Variants in DOCK8 observed in about 807,000 individuals in gnomAD.
DOCK8 encodes the protein dedicator of cytokinesis 8, also known as dedicator of cytokinesis protein 8.
DOCK8 carries 141 observed loss-of-function variants against 245.6 expected under a neutral mutation model. The observed-to-expected ratio is 0.57, with a 90% CI of 0.50 to 0.66. The LOEUF is 0.66. DOCK8 is among the 30% of genes least tolerant of loss of function. The probability of loss-of-function intolerance (pLI) is 0.00; values close to 1 mark genes in which losing one functional copy is unlikely to be tolerated. For missense variants in DOCK8, 2,965 were observed against 2,603.4 expected (o/e 1.14, Z -3.02); for synonymous variants, 1,168 against 970.2 (o/e 1.20, Z -3.79).
Position 371,409 on chromosome 9 carries a change from T to C in DOCK8, c.1869-19T>C. The stretch of plus-strand genomic sequence containing the variant: ...ATTCTTGCTAAAAGTTATTTGTGTA[T>C]AATGTGCTTTTGAAACAGGTCTCCT... On this transcript the variant is annotated intron_variant, in intron 16 of 47. Transcript: ENST00000432829. The C allele has an allele frequency of 6.2e-7, 1 of 1,614,144 alleles. No homozygotes were observed.
At chr9:295,040 G>A (rs68169629) in intron 4 of DOCK8, among the ~76,000 whole-genome samples, 49,975 of 151,816 alleles carry the variant, frequency 0.33, 8,776 homozygotes, top group African/African-American at 0.44. Flanking sequence ...CGTGCCTGTA[G>A]TCCCAGTTAC....
intron 6 of DOCK8, 85 bp from the exon 7 acceptor site, chr9:316,958 G>T: frequency 9.4e-7 from 1 of 1,069,292 alleles, no homozygotes; most frequent in East Asian, 2.4e-5. Flanking sequence ...GCCGTGGAGG[G>T]TAGCCTTCCC....
chr9:335,723 C>G (rs746096376), intron 11 of DOCK8, among the ~76,000 whole-genome samples: 1 of 152,006 alleles, frequency 6.6e-6, no homozygotes, highest in African/African-American at 2.4e-5. Context: ...CAAGGATAAC[C>G]TGACAACAGA....
chr9:326,116 T>G (rs779881368), intron 8 of DOCK8, among the ~76,000 whole-genome samples: 4 of 152,238 alleles, frequency 2.6e-5, no homozygotes, highest in African/African-American at 4.8e-5. Context: ...CTGAAGGGCA[T>G]CTTACATGGT....
At chr9:415,692 G>GCGCACACA (rs1554699024) in intron 29 of DOCK8, among the ~76,000 whole-genome samples, 1 of 150,978 alleles carries the variant, frequency 6.6e-6, no homozygotes, top group African/African-American at 2.4e-5. Flanking sequence ...GTGCGCGCGT[G>GCGCACACA]CACACACACA....
intron 21 of DOCK8, 105 bp from the exon 22 acceptor site, chr9:382,408 T>G: frequency 2.0e-6 from 3 of 1,499,586 alleles, no homozygotes; most frequent in Non-Finnish European, 2.8e-6. Flanking sequence ...CAAGGCCTAA[T>G]CCGGTGGCTT....
chr9:387,811 T>C (rs2054018027), intron 23 of DOCK8, among the ~76,000 whole-genome samples: 2 of 152,260 alleles, frequency 1.3e-5, no homozygotes, highest in African/African-American at 4.8e-5. Flanking sequence ...TTATACCATT[T>C]TCCTTTCTTA....
intron 2 of DOCK8, among the ~76,000 whole-genome samples, chr9:279,669 CA>C (rs533444555): frequency 1.3e-3 from 192 of 152,212 alleles, no homozygotes; most frequent in Middle Eastern, 3.4e-3. Flanking sequence ...CAGGACTGAG[CA>C]AAAACCATTG....
rs967778535 is a variant in DOCK8 at position 289,696 on chromosome 9, A to G, written c.404+115A>G. ...GGTTTACAGAAAAATTGCATGGCAAATAGAGTTCTCATGTATGCCTTCCTT... is the reference window on the plus strand; with the variant it reads ...GGTTTACAGAAAAATTGCATGGCAAGTAGAGTTCTCATGTATGCCTTCCTT... On this transcript the variant is annotated intron_variant, in intron 4 of 47. Coordinates refer to ENST00000432829, the MANE Select transcript of DOCK8 (RefSeq NM_203447.4). 10 of 908,886 alleles carry G rather than the reference A, an allele frequency of 1.1e-5. No individual in the cohort carries two copies. The African/African-American group carries it at 1.7e-4, about 15-fold the overall frequency. 56.3% of individuals were successfully genotyped at this position (908,886 alleles called of 1,614,324 possible).
At chr9:304,506 C>G (rs1384907579) in intron 4 of DOCK8, 75 bp from the exon 5 acceptor site, 12 of 1,591,082 alleles carry the variant, frequency 7.5e-6, no homozygotes, top group Non-Finnish European at 1.0e-5. Flanking sequence ...TAAGCCATTA[C>G]TTTTATTTTT....
chr9:309,342 T>A (rs1040087397), intron 5 of DOCK8, among the ~76,000 whole-genome samples: 3 of 152,212 alleles, frequency 2.0e-5, no homozygotes, highest in African/African-American at 7.2e-5. Context: ...AAATTTATGA[T>A]CTAGTAGAGT....
intron 28 of DOCK8, among the ~76,000 whole-genome samples, chr9:413,856 G>A (rs2055865811): frequency 6.6e-6 from 1 of 152,206 alleles, no homozygotes; most frequent in African/African-American, 2.4e-5. Flanking sequence ...AAGTTAAACA[G>A]AGGCTGGGCG....
At chr9:251,408 T>C (rs1235513187) in intron 1 of DOCK8, among the ~76,000 whole-genome samples, 1 of 152,214 alleles carries the variant, frequency 6.6e-6, no homozygotes, top group Non-Finnish European at 1.5e-5. Flanking sequence ...ATTAATGATA[T>C]TGGAGCCAGG....
At chr9:370,683 C>T (rs1369134765) in intron 16 of DOCK8, among the ~76,000 whole-genome samples, 1 of 152,206 alleles carries the variant, frequency 6.6e-6, no homozygotes, top group East Asian at 1.9e-4. Flanking sequence ...TTGACACCTG[C>T]CCCACTGTCT....
Position 418,969 on chromosome 9 carries a change from G to A in DOCK8, c.3840+762G>A, listed in dbSNP as rs79881592. ...TGCAGCTTTTCTAGGACCCCAGGGAGCCTAAGGAGGGTTGTTTGGCTCTGT... is the reference window on the plus strand; with the variant it reads ...TGCAGCTTTTCTAGGACCCCAGGGAACCTAAGGAGGGTTGTTTGGCTCTGT... On this transcript the variant is annotated intron_variant, in intron 30 of 47. Coordinates refer to ENST00000432829, the MANE Select transcript of DOCK8 (RefSeq NM_203447.4). Among the ~76,000 whole-genome samples, 433 of 152,300 alleles carry A rather than the reference G, an allele frequency of 2.8e-3. 2 individuals are homozygous for A. Among genetic ancestry groups the A allele is most frequent in the African/African-American group, 1.0e-2 (415 of 41,570 alleles).
chr9:219,748 T>G (rs573621290), intron 1 of DOCK8, among the ~76,000 whole-genome samples: 1 of 152,240 alleles, frequency 6.6e-6, no homozygotes, highest in East Asian at 1.9e-4. Flanking sequence ...AATACAAAAA[T>G]TAGCCAGCTG....
chr9:452,039 TG>T lies in DOCK8; in HGVS notation c.5992del (p.Ala1998LeufsTer16). The T allele has an allele frequency of 3.1e-6, 5 of 1,605,234 alleles. No individual in the cohort carries two copies. The highest frequency in any genetic ancestry group is 4.3e-6 in the Non-Finnish European group (5 of 1,175,856). ...QGPLEVAQVFLAEIPADPKLY... is the reference protein window; with the variant it reads ...QGPLEVAQVFXAEIPADPKLY... ...CCACTGGAAGTAGCCCAAGTGTTTT[TG>T]GCTGAAATTCCTGCTGATCCAAAAC... On this transcript the variant is annotated frameshift_variant, in exon 46 of 48. Transcript: ENST00000432829. LOFTEE classifies it high-confidence loss of function.
chr9:246,151 G>A (rs1299329716), intron 1 of DOCK8, among the ~76,000 whole-genome samples: 1 of 152,016 alleles, frequency 6.6e-6, no homozygotes, highest in South Asian at 2.1e-4. Context: ...CCTGGGAGAT[G>A]GAGCTTGCAG....
At chr9:272,695 T>C (rs2048195833) in intron 2 of DOCK8, among the ~76,000 whole-genome samples, 1 of 152,216 alleles carries the variant, frequency 6.6e-6, no homozygotes, top group Non-Finnish European at 1.5e-5. Flanking sequence ...TAAACCTTCA[T>C]TTTTAAAACA....
Sources: gnomAD v4.1 joint callset for allele counts (sites outside exome capture counted in the v4.1 genomes callset) on GRCh38, gnomAD v4.1.1 for gene constraint, MANE v1.5 for transcripts, NCBI Gene and HGNC (gene_info 2026-07-23, HGNC 2026-07-21) for gene names.